The following ADGRE3 variants were observed in gnomAD, a reference collection of about 807,000 sequenced individuals.
ADGRE3 encodes adhesion G protein-coupled receptor E3, also known as EGF-like module receptor 3.
ADGRE3 carries 88 observed loss-of-function variants against 80.1 expected under a neutral mutation model. That is an observed-to-expected ratio of 1.10 (90% confidence interval 0.93 to 1.31). The LOEUF (loss-of-function observed/expected upper bound fraction) is 1.31. ADGRE3 is among the 40% of genes most tolerant of loss of function. The pLI, the probability that ADGRE3 is intolerant of heterozygous loss-of-function variation, is 0.00. For missense variants in ADGRE3, 715 were observed against 776.5 expected (o/e 0.92, Z 0.94); for synonymous variants, 281 against 294.8 (o/e 0.95, Z 0.48).
chr19:14,633,189 T>A (rs1970932452), intron 12 of ADGRE3, 47 bp downstream of exon 12: 1 of 1,546,970 alleles, frequency 6.5e-7, no homozygotes, highest in East Asian at 2.2e-5. Context: ...TACCCAGCAC[T>A]TCTCTTGGTT....
At chr19:14,636,525 T>C (rs1971096191) in intron 11 of ADGRE3, among the ~76,000 whole-genome samples, 1 of 151,988 alleles carries the variant, frequency 6.6e-6, no homozygotes, top group Non-Finnish European at 1.5e-5. Flanking sequence ...CTTCTTTCTA[T>C]TATTTATTCA....
At chr19:14,632,214 C>A (rs1970903561) in intron 13 of ADGRE3, among the ~76,000 whole-genome samples, 1 of 152,078 alleles carries the variant, frequency 6.6e-6, no homozygotes, top group African/African-American at 2.4e-5. Context: ...GTGGACATAG[C>A]TTTGTGACAT....
chr19:14,649,217 CCCATCTCTCTCTTT>C (rs1250512822), intron 7 of ADGRE3, among the ~76,000 whole-genome samples: 2 of 138,384 alleles, frequency 1.4e-5, no homozygotes, highest in African/African-American at 5.5e-5. Flanking sequence ...TCTCTCTCTC[CCCATCTCTCTCTTT>C]CCATCTATCT....
chr19:14,607,333 G>A, the ADGRE3 span, among the ~76,000 whole-genome samples: 86 of 151,162 alleles, frequency 5.7e-4, 1 homozygote, highest in South Asian at 4.0e-3. Context: ...CCTCCCGAGT[G>A]GCTGGGACTA....
At chr19:14,652,837 T>C (rs1971645957) in intron 6 of ADGRE3, among the ~76,000 whole-genome samples, 1 of 151,442 alleles carries the variant, frequency 6.6e-6, no homozygotes, top group Non-Finnish European at 1.5e-5. Context: ...AAACTACTAC[T>C]GGTTTGTCTA....
At chr19:14,639,752 A>C (rs1394254385) in intron 10 of ADGRE3, among the ~76,000 whole-genome samples, 2 of 152,154 alleles carry the variant, frequency 1.3e-5, no homozygotes, top group East Asian at 3.8e-4. Context: ...GTTGAGAAGA[A>C]GCAGATACAA....
At chr19:14,638,073 T>C in intron 11 of ADGRE3, 32 bp downstream of exon 11, 1 of 1,527,322 alleles carries the variant, frequency 6.5e-7, no homozygotes, top group African/African-American at 1.4e-5. Flanking sequence ...CTTAGGAAAC[T>C]GTCCATGACA....
At chr19:14,653,453 GAT>G (rs2146873779) in intron 6 of ADGRE3, among the ~76,000 whole-genome samples, 1 of 152,034 alleles carries the variant, frequency 6.6e-6, no homozygotes, top group South Asian at 2.1e-4. Flanking sequence ...AGAGTGGAAA[GAT>G]AGAATAATCA....
At chr19:14,609,363 T>C in the ADGRE3 span, among the ~76,000 whole-genome samples, 2 of 152,144 alleles carry the variant, frequency 1.3e-5, no homozygotes, top group Non-Finnish European at 2.9e-5. Context: ...CTTCTCCATC[T>C]AGCTTCCCTC....
intron 10 of ADGRE3, among the ~76,000 whole-genome samples, chr19:14,639,413 T>G (rs1971186359): frequency 6.6e-6 from 1 of 150,704 alleles, no homozygotes; most frequent in Non-Finnish European, 1.5e-5. Flanking sequence ...TTATGATTCT[T>G]TTTTTTTTGA....
chr19:14,657,519 A>G (rs1971801358), intron 5 of ADGRE3, among the ~76,000 whole-genome samples: 1 of 151,164 alleles, frequency 6.6e-6, no homozygotes, highest in African/African-American at 2.4e-5. Flanking sequence ...GTATGTACGT[A>G]CATGCACACT....
At position 14,664,260 on chromosome 19, in the gene ADGRE3, A is replaced by T. The variant is rs556147878; in HGVS notation, c.77-720T>A. Among the ~76,000 whole-genome samples the T allele has an allele frequency of 3.9e-5, 6 of 152,206 alleles. No individual in the cohort carries two copies. In the South Asian group the frequency reaches 1.2e-3, roughly 32 times the overall value. ...TGAGACCAGCCTGACCAACATGGTG[A>T]AACCCCATCTCTACTGAAAATACAA... is the stretch of plus-strand genomic sequence containing the variant. On this transcript the variant is annotated intron_variant, in intron 2 of 15. Transcript: ENST00000253673.
At chr19:14,609,837 CCAAAA>C in the ADGRE3 span, among the ~76,000 whole-genome samples, 8 of 140,518 alleles carry the variant, frequency 5.7e-5, no homozygotes, top group African/African-American at 1.1e-4. Flanking sequence ...GACTCTGTCT[CCAAAA>C]CAAAACAAAA....
chr19:14,641,021 T>C (rs1414969100), intron 10 of ADGRE3, among the ~76,000 whole-genome samples: 9 of 152,278 alleles, frequency 5.9e-5, no homozygotes, highest in African/African-American at 2.2e-4. Flanking sequence ...CCAATGATAC[T>C]AGTAAGCCTT....
At chr19:14,665,099 T>C (rs1196192482) in intron 2 of ADGRE3, among the ~76,000 whole-genome samples, 1 of 142,598 alleles carries the variant, frequency 7.0e-6, no homozygotes, top group Non-Finnish European at 1.5e-5. Flanking sequence ...AGTCTCGCTC[T>C]GTTGCCCAGG....
chr19:14,648,704 G>A (rs964985925), intron 7 of ADGRE3, among the ~76,000 whole-genome samples: 2 of 152,128 alleles, frequency 1.3e-5, no homozygotes, highest in African/African-American at 4.8e-5. Context: ...ATGTGGGTGG[G>A]CCTTATCCAA....
At chr19:14,638,797 C>T (rs1971171156) in intron 10 of ADGRE3, among the ~76,000 whole-genome samples, 1 of 152,108 alleles carries the variant, frequency 6.6e-6, no homozygotes, top group South Asian at 2.1e-4. Flanking sequence ...CCACTTCCCC[C>T]CTCAACCTCT....
intron 10 of ADGRE3, among the ~76,000 whole-genome samples, chr19:14,640,176 G>A (rs1971210262): frequency 6.6e-6 from 1 of 152,060 alleles, no homozygotes; most frequent in African/African-American, 2.4e-5. Context: ...TTCTTTTTCT[G>A]AAGGCTGAAT....
At chr19:14,617,989 G>C (rs2075092199), downstream of ADGRE3, among the ~76,000 whole-genome samples, 1 of 151,934 alleles carries the variant, frequency 6.6e-6, no homozygotes, top group Admixed American at 6.6e-5. Flanking sequence ...GAACTTTTGG[G>C]CATGCACTTG....
Sources: gnomAD v4.1 joint callset for allele counts (sites outside exome capture counted in the v4.1 genomes callset) on GRCh38, gnomAD v4.1.1 for gene constraint, MANE v1.5 for transcripts, NCBI Gene and HGNC (gene_info 2026-07-23, HGNC 2026-07-21) for gene names.